Variants in RSPO2 observed in about 807,000 individuals in gnomAD.
RSPO2 encodes R-spondin 2.
A neutral mutation model predicts 30.9 loss-of-function variants in RSPO2; 14 were observed. The observed-to-expected ratio is 0.45, with a 90% CI of 0.30 to 0.71. The LOEUF (loss-of-function observed/expected upper bound fraction) is 0.71. RSPO2 is among the 30% of genes least tolerant of loss of function. The pLI is 0.08. For missense variants in RSPO2, 264 were observed against 301.9 expected, an observed-to-expected ratio of 0.87 and a Z score of 0.93; for synonymous variants, 107 against 96.4, an observed-to-expected ratio of 1.11 and a Z score of -0.64.
At chr8:107,960,407 G>T (rs1265481935) in intron 4 of RSPO2, among the ~76,000 whole-genome samples, 1 of 151,938 alleles carries the variant, frequency 6.6e-6, no homozygotes, top group Non-Finnish European at 1.5e-5. Flanking sequence ...TTAAGAAATT[G>T]ATGTATTACA....
intron 5 of RSPO2, among the ~76,000 whole-genome samples, chr8:107,943,203 A>T (rs1262863374): frequency 2.6e-5 from 4 of 152,176 alleles, no homozygotes; most frequent in Non-Finnish European, 5.9e-5. Context: ...CACACCATGC[A>T]CACATGCGTG....
chr8:107,989,248 T>A lies in RSPO2; in HGVS notation c.95-4A>T. On this transcript the variant is annotated splice_polypyrimidine_tract_variant and splice_region_variant and intron_variant, in intron 2 of 5. Coordinates refer to ENST00000276659, the MANE Select transcript of RSPO2 (RefSeq NM_178565.5). ...ATGGGATTTGATACATAACTAGCTG[T>A]AAAAGAAAAACAAAAATTGTGTTTA... 1.3e-6 allele frequency: 2 copies of A among 1,539,714 alleles called. No individual in the cohort carries two copies. Among genetic ancestry groups the A allele is most frequent in the African/African-American group, 1.4e-5 (1 of 70,856 alleles).
intron 2 of RSPO2, among the ~76,000 whole-genome samples, chr8:108,026,680 A>C (rs1586638780): frequency 1.3e-5 from 2 of 152,140 alleles, no homozygotes; most frequent in South Asian, 2.1e-4. Flanking sequence ...CAGCCTGGCC[A>C]ATATGTTGAA....
At chr8:107,931,041 T>TAA (rs1812538348) in intron 5 of RSPO2, among the ~76,000 whole-genome samples, 1 of 152,152 alleles carries the variant, frequency 6.6e-6, no homozygotes, top group Non-Finnish European at 1.5e-5. Flanking sequence ...GCTGGAAAAA[T>TAA]AACATATTTT....
rs150367447 is a variant in RSPO2, at chr8:107,931,256, G to T, written c.616+26824C>A. Among the ~76,000 whole-genome samples, 185 of 152,234 alleles carry T rather than the reference G, an allele frequency of 1.2e-3. 1 individual carries two copies. Among genetic ancestry groups the T allele is most frequent in the Non-Finnish European group, 1.7e-3 (116 of 68,010 alleles). ...GCTATTTCTTTCCTAGTAAAAATAA[G>T]TATTAATATAAAGTGTGTCTTTATT... On this transcript the variant is annotated intron_variant, in intron 5 of 5. Transcript: ENST00000276659.
At chr8:108,015,567 G>A (rs536623316) in intron 2 of RSPO2, among the ~76,000 whole-genome samples, 1 of 152,178 alleles carries the variant, frequency 6.6e-6, no homozygotes, top group East Asian at 1.9e-4. Context: ...CGCTAAGTTA[G>A]CCAGAATCCC....
chr8:107,982,031 A>G (rs1234347399), intron 3 of RSPO2, among the ~76,000 whole-genome samples: 2 of 149,872 alleles, frequency 1.3e-5, no homozygotes, highest in South Asian at 2.1e-4. Context: ...AAAAAAAAAA[A>G]AGGAAGGAAA....
At chr8:107,944,158 C>T (rs1341052888) in intron 5 of RSPO2, among the ~76,000 whole-genome samples, 2 of 152,084 alleles carry the variant, frequency 1.3e-5, no homozygotes, top group African/African-American at 4.8e-5. Context: ...TTGGAATAGA[C>T]ATTCTAATAA....
In RSPO2 at chr8:108,062,881, G is replaced by C. The variant is rs758013333; in HGVS notation, c.94+19664C>G. Among the ~76,000 whole-genome samples the C allele has an allele frequency of 3.7e-4, 56 of 151,868 alleles. 3 individuals carry two copies. The highest frequency in any genetic ancestry group is 1.3e-3 in the African/African-American group (54 of 41,236). ...GGAATGCAAAGCTGGTTCAACATAC[G>C]CAAATCAATAAATGTAATCCAGCAT... On this transcript the variant is annotated intron_variant, in intron 2 of 5. Transcript: ENST00000276659.
chr8:107,930,118 T>C (rs1812507280), intron 5 of RSPO2, among the ~76,000 whole-genome samples: 1 of 152,180 alleles, frequency 6.6e-6, no homozygotes, highest in South Asian at 2.1e-4. Flanking sequence ...ATGTACAACA[T>C]CAAGCATTTC....
At chr8:107,902,031 C>T (rs1448402652) in intron 5 of RSPO2, among the ~76,000 whole-genome samples, 1 of 152,078 alleles carries the variant, frequency 6.6e-6, no homozygotes, top group Non-Finnish European at 1.5e-5. Flanking sequence ...TACAGTCTTA[C>T]TTTATAAGGT....
intron 5 of RSPO2, among the ~76,000 whole-genome samples, chr8:107,934,813 A>G (rs961339701): frequency 2.0e-5 from 3 of 152,206 alleles, no homozygotes; most frequent in Admixed American, 6.5e-5. Context: ...CTTTACTGCA[A>G]TCTCTGAACA....
chr8:107,929,344 G>A (rs1166234000), intron 5 of RSPO2, among the ~76,000 whole-genome samples: 3 of 152,184 alleles, frequency 2.0e-5, no homozygotes, highest in African/African-American at 7.2e-5. Flanking sequence ...CTTCAGGATG[G>A]ATGTTTACCA....
chr8:108,042,523 C>T (rs1811789573), intron 2 of RSPO2, among the ~76,000 whole-genome samples: 1 of 152,096 alleles, frequency 6.6e-6, no homozygotes, highest in Non-Finnish European at 1.5e-5. Context: ...AATACCCGTG[C>T]CGTGCTCATT....
intron 2 of RSPO2, chr8:108,081,786 G>T: frequency 2.4e-6 from 1 of 414,784 alleles, no homozygotes; most frequent in Non-Finnish European, 3.2e-6. Flanking sequence ...GAATTTCATT[G>T]AGAACAGAAG....
intron 2 of RSPO2, among the ~76,000 whole-genome samples, chr8:108,005,088 T>C (rs905234277): frequency 7.2e-5 from 11 of 152,124 alleles, no homozygotes; most frequent in African/African-American, 2.7e-4. Flanking sequence ...AACAGGTCAG[T>C]GATTTACAAC....
chr8:107,981,497 G>A (rs1814430526), intron 3 of RSPO2, among the ~76,000 whole-genome samples: 1 of 151,422 alleles, frequency 6.6e-6, no homozygotes, highest in East Asian at 2.0e-4. Context: ...CTCCAGCCTG[G>A]GAGACAAAGT....
intron 3 of RSPO2, 123 bp from the exon 4 acceptor site, chr8:107,960,940 T>G: frequency 1.4e-6 from 1 of 700,322 alleles, no homozygotes; most frequent in Non-Finnish European, 2.3e-6. Flanking sequence ...AGAGAAATAT[T>G]GTTTAACTCA....
At chr8:107,945,241 C>CT (rs754722790) in intron 5 of RSPO2, among the ~76,000 whole-genome samples, 2,172 of 74,832 alleles carry the variant, frequency 0.029, 88 homozygotes, top group East Asian at 0.07. Context: ...ATTCTTTTAC[C>CT]TTTTTTTTTT....
Sources: gnomAD v4.1 joint callset for allele counts (sites outside exome capture counted in the v4.1 genomes callset) on GRCh38, gnomAD v4.1.1 for gene constraint, MANE v1.5 for transcripts, NCBI Gene and HGNC (gene_info 2026-07-23, HGNC 2026-07-21) for gene names.